The following SMYD3 variants were observed in gnomAD, a reference collection of about 807,000 sequenced individuals.
SMYD3 encodes histone-lysine N-methyltransferase SMYD3.
A neutral mutation model predicts 57.7 loss-of-function variants in SMYD3; 36 were observed. The observed-to-expected ratio is 0.62, with a 90% CI of 0.48 to 0.82. SMYD3 has a LOEUF of 0.82. SMYD3 is among the 40% of genes least tolerant of loss of function. The pLI is 0.00. For synonymous variants in SMYD3, 211 were observed against 195.0 expected (o/e 1.08, Z -0.68); for missense variants, 515 against 538.8 (o/e 0.96, Z 0.44).
At chr1:245,809,350 A>G (rs1338227066) in intron 10 of SMYD3, among the ~76,000 whole-genome samples, 1 of 152,190 alleles carries the variant, frequency 6.6e-6, no homozygotes, top group Non-Finnish European at 1.5e-5. Context: ...GTGCTATGCC[A>G]GGCTTTCGGG....
At chr1:246,407,049 T>C (rs745904446) in intron 1 of SMYD3, among the ~76,000 whole-genome samples, 5 of 152,234 alleles carry the variant, frequency 3.3e-5, no homozygotes, top group Non-Finnish European at 5.9e-5. Context: ...AGGGTTGGCA[T>C]TGCCCCCTGG....
chr1:246,362,572 C>T (rs113164854), intron 1 of SMYD3, among the ~76,000 whole-genome samples: 6,497 of 151,814 alleles, frequency 0.043, 423 homozygotes, highest in African/African-American at 0.14. Context: ...CTGATTCTCC[C>T]GCCTCAGCCT....
At chr1:246,296,027 T>C (rs2064787853) in intron 5 of SMYD3, among the ~76,000 whole-genome samples, 1 of 152,192 alleles carries the variant, frequency 6.6e-6, no homozygotes, top group Admixed American at 6.5e-5. Flanking sequence ...CAGGACATTC[T>C]TGGATGTTTT....
intron 1 of SMYD3, among the ~76,000 whole-genome samples, chr1:246,499,413 C>T (rs1380728389): frequency 2.0e-5 from 3 of 151,576 alleles, no homozygotes; most frequent in African/African-American, 7.3e-5. Flanking sequence ...CACACACACA[C>T]ACACACACAC....
intron 1 of SMYD3, among the ~76,000 whole-genome samples, chr1:246,409,636 T>C (rs2066928326): frequency 6.6e-6 from 1 of 152,194 alleles, no homozygotes; most frequent in African/African-American, 2.4e-5. Flanking sequence ...TTCTTTTGGC[T>C]TAGGATTGAC....
intron 1 of SMYD3, among the ~76,000 whole-genome samples, chr1:246,481,593 C>T (rs867704204): frequency 5.7e-4 from 16 of 27,952 alleles, no homozygotes; most frequent in Admixed American, 2.8e-3. Context: ...TCTCAGGCTC[C>T]ATATATATAT....
At chr1:246,423,765 G>C (rs535595392) in intron 1 of SMYD3, among the ~76,000 whole-genome samples, 1 of 152,166 alleles carries the variant, frequency 6.6e-6, no homozygotes, top group African/African-American at 2.4e-5. Flanking sequence ...CAGGTAAGCA[G>C]CCTGTTTAAA....
chr1:246,044,523 G>C (rs1028276613), intron 5 of SMYD3, among the ~76,000 whole-genome samples: 3 of 152,146 alleles, frequency 2.0e-5, no homozygotes, highest in African/African-American at 7.2e-5. Flanking sequence ...CTAATTTATA[G>C]ATCAGTCAGG....
chr1:246,332,275 A>C (rs559213927), intron 3 of SMYD3, among the ~76,000 whole-genome samples: 1 of 152,346 alleles, frequency 6.6e-6, no homozygotes, highest in South Asian at 2.1e-4. Flanking sequence ...TGAACACATG[A>C]GTGATAAGAA....
At chr1:245,866,726 T>A (rs903087385) in intron 8 of SMYD3, among the ~76,000 whole-genome samples, 1 of 152,066 alleles carries the variant, frequency 6.6e-6, no homozygotes, top group Non-Finnish European at 1.5e-5. Context: ...AGCGAGACTC[T>A]GCCTCAAAAA....
chr1:246,506,987 A>ACCCCCCCCCCCCCCCCCCCCCCCCC, intron 1 of SMYD3, 67 bp downstream of exon 1: 1 of 634,740 alleles, frequency 1.6e-6, no homozygotes, highest in Non-Finnish European at 2.2e-6. Context: ...CGGCCGCCCG[A>ACCCCCCCCCCCCCCCCCCCCCCCCC]CGCCCCCCCC....
At chr1:246,124,362 A>G (rs2061473004) in intron 5 of SMYD3, among the ~76,000 whole-genome samples, 1 of 152,194 alleles carries the variant, frequency 6.6e-6, no homozygotes, top group Non-Finnish European at 1.5e-5. Context: ...GAAAGAAAGA[A>G]AGAAAGAAAA....
At chr1:245,776,034 T>C (rs952458868) in intron 10 of SMYD3, among the ~76,000 whole-genome samples, 1 of 152,214 alleles carries the variant, frequency 6.6e-6, no homozygotes, top group African/African-American at 2.4e-5. Flanking sequence ...AATTATAGCA[T>C]ATGTATCAGT....
intron 5 of SMYD3, among the ~76,000 whole-genome samples, chr1:246,093,800 TA>T (rs2060863744): frequency 6.6e-6 from 1 of 152,136 alleles, no homozygotes; most frequent in Admixed American, 6.5e-5. Context: ...TAGCAGAAGA[TA>T]AAATTTTAAA....
chr1:246,170,301 A>G (rs1250597332), intron 5 of SMYD3, among the ~76,000 whole-genome samples: 1 of 152,062 alleles, frequency 6.6e-6, no homozygotes, highest in Non-Finnish European at 1.5e-5. Flanking sequence ...ATATAATCCA[A>G]CTAATACTGC....
At chr1:245,958,398 T>C (rs1289147541) in intron 5 of SMYD3, among the ~76,000 whole-genome samples, 1 of 152,174 alleles carries the variant, frequency 6.6e-6, no homozygotes, top group African/African-American at 2.4e-5. Context: ...ATCTCCCTTT[T>C]TCCAGCCCTA....
At chr1:246,323,049 A>G (rs2065276121) in intron 5 of SMYD3, among the ~76,000 whole-genome samples, 1 of 152,214 alleles carries the variant, frequency 6.6e-6, no homozygotes, top group African/African-American at 2.4e-5. Flanking sequence ...AGACCACTGT[A>G]TATCACTGTT....
At chr1:246,472,325 C>T (rs2067971781) in intron 1 of SMYD3, among the ~76,000 whole-genome samples, 1 of 152,206 alleles carries the variant, frequency 6.6e-6, no homozygotes, top group South Asian at 2.1e-4. Flanking sequence ...TATGCTTCTA[C>T]AATAGCTGGA....
intron 5 of SMYD3, among the ~76,000 whole-genome samples, chr1:246,114,982 A>G (rs1415663003): frequency 1.3e-5 from 2 of 152,216 alleles, no homozygotes; most frequent in African/African-American, 4.8e-5. Context: ...CTTCCCGTGA[A>G]GCCAGCCTTA....
Sources: gnomAD v4.1 joint callset for allele counts (sites outside exome capture counted in the v4.1 genomes callset) on GRCh38, gnomAD v4.1.1 for gene constraint, MANE v1.5 for transcripts, NCBI Gene and HGNC (gene_info 2026-07-23, HGNC 2026-07-21) for gene names.